Variants in CCDC85A observed in about 807,000 individuals in gnomAD.
The protein encoded by CCDC85A is coiled-coil domain-containing protein 85A.
A neutral mutation model predicts 50.2 loss-of-function variants in CCDC85A; 38 were observed. That is an observed-to-expected ratio of 0.76 (90% CI 0.58 to 0.99). The LOEUF is 0.99. Ranked by LOEUF, CCDC85A falls within the 50% of genes least tolerant of loss-of-function variation. The pLI is 0.00. For missense variants in CCDC85A, 820 were observed against 742.0 expected (o/e 1.11, Z -1.22); for synonymous variants, 366 against 301.4 (o/e 1.21, Z -2.22).
chr2:56,288,696 C>T (rs982812778), intron 2 of CCDC85A, among the ~76,000 whole-genome samples: 3 of 149,008 alleles, frequency 2.0e-5, no homozygotes, highest in Non-Finnish European at 3.0e-5. Context: ...CCATGCCCCC[C>T]CCACCCCAAA....
chr2:56,331,910 C>T (rs1573277806), intron 2 of CCDC85A, among the ~76,000 whole-genome samples: 2 of 152,260 alleles, frequency 1.3e-5, no homozygotes. Flanking sequence ...AAAAAAATGC[C>T]CTTTTGATAT....
intron 2 of CCDC85A, among the ~76,000 whole-genome samples, chr2:56,223,719 A>C (rs1043532807): frequency 3.3e-5 from 5 of 152,136 alleles, no homozygotes; most frequent in Non-Finnish European, 1.5e-5. Flanking sequence ...AATCAGCGAA[A>C]AATGCTCACT....
At chr2:56,222,546 AC>A (rs1668371041) in intron 2 of CCDC85A, among the ~76,000 whole-genome samples, 2 of 152,128 alleles carry the variant, frequency 1.3e-5, no homozygotes, top group Admixed American at 1.3e-4. Context: ...GAATTTCTGG[AC>A]CTAGTCAGAG....
rs1364295410 is a variant in CCDC85A, at chr2:56,384,310, A to T, written c.1617A>T (p.Gly539=). 6.2e-7 allele frequency: 1 copy of T among 1,611,396 alleles called. No homozygotes were observed. The highest frequency in any genetic ancestry group is 1.7e-5 in the Admixed American group (1 of 59,770). The part of the protein sequence containing the change: ...KLGDAAGSCP[G]IRQHLSGNQY... ...GAGATGCTGCAGGTTCGTGTCCTGG[A>T]ATTAGGCAACATTTGTCAGGAAACC... The change falls in exon 6 of 6, where the codon GGA becomes GGT. Residue 539 remains glycine (G), a synonymous_variant. Coordinates refer to ENST00000407595, the MANE Select transcript of CCDC85A (RefSeq NM_001080433.2).
chr2:56,290,757 C>G (rs546255701), intron 2 of CCDC85A, among the ~76,000 whole-genome samples: 21 of 152,328 alleles, frequency 1.4e-4, no homozygotes, highest in African/African-American at 4.8e-4. Context: ...GCACTTTCCT[C>G]TATACAGTTA....
chr2:56,219,102 T>G (rs2103900710), intron 2 of CCDC85A, among the ~76,000 whole-genome samples: 1 of 150,848 alleles, frequency 6.6e-6, no homozygotes, highest in African/African-American at 2.4e-5. Flanking sequence ...TATATACTAT[T>G]TTTTGTCTTC....
Position 56,319,739 on chromosome 2 carries a change from A to G in CCDC85A, c.1241-23140A>G, listed in dbSNP as rs547392052. Among the ~76,000 whole-genome samples the G allele has an allele frequency of 2.3e-4, 35 of 152,204 alleles. No homozygotes were observed. The South Asian group carries it at 7.1e-3, about 31-fold the overall frequency. On this transcript the variant is annotated intron_variant, in intron 2 of 5. Coordinates refer to ENST00000407595, the MANE Select transcript of CCDC85A (RefSeq NM_001080433.2). Reference sequence around the variant, plus strand: ...CAGTTGAAGTCAAGTAAAAGACCCAAGCTTCACAGACCAGGACCCTGTGTA... The same window carrying G: ...CAGTTGAAGTCAAGTAAAAGACCCAGGCTTCACAGACCAGGACCCTGTGTA...
Position 56,189,297 on chromosome 2 carries a change from G to GTTTTTTTTTTTTTTTTTT in CCDC85A, c.277-3165_277-3164insTTTTTTTTTTTTTTTTTT, listed in dbSNP as rs70955011. On this transcript the variant is annotated intron_variant, in intron 1 of 5. Coordinates refer to ENST00000407595, the MANE Select transcript of CCDC85A (RefSeq NM_001080433.2). ...AAAACATGCACGGGGTATTTTTGGT[G>GTTTTTTTTTTTTTTTTTT]TTTTTTTTTTTTTTTGAGACAAGGT... Among the ~76,000 whole-genome samples, 201 of 121,920 alleles carry GTTTTTTTTTTTTTTTTTT rather than the reference G, an allele frequency of 1.6e-3. 5 individuals are homozygous for GTTTTTTTTTTTTTTTTTT. The highest frequency in any genetic ancestry group is 2.6e-3 in the African/African-American group (77 of 29,206). 80.0% of individuals were successfully genotyped at this position (121,920 alleles called of 152,430 possible).
chr2:56,373,536 G>A (rs1276765246), intron 4 of CCDC85A, among the ~76,000 whole-genome samples: 3 of 152,114 alleles, frequency 2.0e-5, no homozygotes, highest in African/African-American at 7.2e-5. Context: ...AACGATAGAG[G>A]CCCATGCCCA....
At chr2:56,250,724 C>G (rs1321714173) in intron 2 of CCDC85A, among the ~76,000 whole-genome samples, 1 of 152,156 alleles carries the variant, frequency 6.6e-6, no homozygotes, top group East Asian at 1.9e-4. Flanking sequence ...ACCACTCCCC[C>G]AAATTGAGGT....
intron 2 of CCDC85A, among the ~76,000 whole-genome samples, chr2:56,326,804 G>A (rs1673494858): frequency 6.6e-6 from 1 of 151,812 alleles, no homozygotes. Flanking sequence ...CTGGCATCAA[G>A]TAATATTCCT....
intron 2 of CCDC85A, among the ~76,000 whole-genome samples, chr2:56,332,444 A>C (rs73940663): frequency 0.2 from 30,322 of 152,030 alleles, 4,167 homozygotes; most frequent in African/African-American, 0.39. Flanking sequence ...GGGGAAAGGG[A>C]TCTTTCAAGA....
intron 2 of CCDC85A, among the ~76,000 whole-genome samples, chr2:56,230,124 A>G (rs1407582973): frequency 6.6e-6 from 1 of 152,208 alleles, no homozygotes; most frequent in African/African-American, 2.4e-5. Context: ...CAAGCCCAGC[A>G]TATTCAGTAG....
chr2:56,196,190 A>G (rs185574013), intron 2 of CCDC85A, among the ~76,000 whole-genome samples: 106 of 152,346 alleles, frequency 7.0e-4, no homozygotes, highest in African/African-American at 2.4e-3. Context: ...TTAGAAAACA[A>G]CAAAAGCAAA....
chr2:56,287,454 A>G (rs934168536), intron 2 of CCDC85A, among the ~76,000 whole-genome samples: 22 of 152,144 alleles, frequency 1.4e-4, no homozygotes, highest in Non-Finnish European at 2.9e-4. Context: ...CTCAACAATT[A>G]CTATCTTCCA....
At chr2:56,356,864 T>C (rs145417080) in intron 3 of CCDC85A, among the ~76,000 whole-genome samples, 2,166 of 151,224 alleles carry the variant, frequency 0.014, 54 homozygotes, top group African/African-American at 0.05. Context: ...GGTCAGGAGA[T>C]CAAGACCATC....
At chr2:56,193,770 A>G (rs992319580) in intron 2 of CCDC85A, among the ~76,000 whole-genome samples, 1 of 152,180 alleles carries the variant, frequency 6.6e-6, no homozygotes. Context: ...AGAGTCTTTC[A>G]TCTTAAACCT....
At chr2:56,263,487 T>C (rs1167660255) in intron 2 of CCDC85A, among the ~76,000 whole-genome samples, 15 of 152,300 alleles carry the variant, frequency 9.8e-5, no homozygotes, top group Non-Finnish European at 4.4e-5. Flanking sequence ...GCCTGTCTGC[T>C]CAGAGCCCTG....
intron 2 of CCDC85A, among the ~76,000 whole-genome samples, chr2:56,251,584 G>A (rs1227212594): frequency 1.3e-5 from 2 of 151,902 alleles, no homozygotes; most frequent in Non-Finnish European, 2.9e-5. Flanking sequence ...TGTTGGTGGT[G>A]GCAGGGTCTG....
Sources: allele counts gnomAD v4.1 joint callset (sites outside exome capture counted in the v4.1 genomes callset), GRCh38; gene constraint gnomAD v4.1.1; transcripts MANE v1.5; gene names NCBI Gene and HGNC (gene_info 2026-07-23, HGNC 2026-07-21).